Variants in PCNX1 observed in about 807,000 individuals in gnomAD.
PCNX1 encodes pecanex-like protein 1.
PCNX1 carries 78 observed loss-of-function variants against 242.2 expected under a neutral mutation model. That is an observed-to-expected ratio of 0.32 (90% CI 0.27 to 0.39). The LOEUF (loss-of-function observed/expected upper bound fraction) is 0.39. PCNX1 is among the 10% of genes least tolerant of loss of function. The pLI is 1.00. For synonymous variants in PCNX1, 1,024 were observed against 1,032.9 expected, an observed-to-expected ratio of 0.99 and a Z score of 0.17; for missense variants, 2,581 against 2,856.5, an observed-to-expected ratio of 0.90 and a Z score of 2.20.
intron 19 of PCNX1, among the ~76,000 whole-genome samples, chr14:71,037,454 A>T (rs202099256): frequency 1.3e-5 from 2 of 149,894 alleles, no homozygotes; most frequent in Admixed American, 1.3e-4. Flanking sequence ...TTATTTTGAA[A>T]TATGTCCCAT....
chr14:70,932,731 G>A (rs2056850915), intron 1 of PCNX1, among the ~76,000 whole-genome samples: 1 of 152,010 alleles, frequency 6.6e-6, no homozygotes, highest in Non-Finnish European at 1.5e-5. Flanking sequence ...TCCTGCCTCA[G>A]CCTCCCGAGT....
At chr14:70,912,178 T>A (rs2140014162) in intron 1 of PCNX1, among the ~76,000 whole-genome samples, 1 of 150,914 alleles carries the variant, frequency 6.6e-6, no homozygotes, top group East Asian at 1.9e-4. Flanking sequence ...GAGCTTGCAG[T>A]GAGCCAAGAT....
rs1416585805 is a variant in PCNX1, at chr14:71,111,684, A to C, written c.*1749A>C. The C allele has an allele frequency of 6.6e-6, 1 of 152,168 alleles. No homozygotes were observed. The highest frequency in any genetic ancestry group is 2.4e-5 in the African/African-American group (1 of 41,454). 9.4% of individuals were successfully genotyped at this position (152,168 alleles called of 1,614,324 possible). A position where few individuals can be genotyped will look rare whatever the true frequency, so the allele number is the denominator to read the frequency against. On this transcript the variant is annotated 3_prime_UTR_variant, in exon 36 of 36. Coordinates refer to ENST00000304743, the MANE Select transcript of PCNX1 (RefSeq NM_014982.3). ...AGTAAATAGTGAACATACAGAACTTACTGCATTTCCACTTTAAAACCTATT... is the reference window on the plus strand; with the variant it reads ...AGTAAATAGTGAACATACAGAACTTCCTGCATTTCCACTTTAAAACCTATT...
At chr14:70,917,960 T>C (rs1157571621) in intron 1 of PCNX1, among the ~76,000 whole-genome samples, 2 of 152,216 alleles carry the variant, frequency 1.3e-5, no homozygotes, top group African/African-American at 4.8e-5. Context: ...ATGTAAACTT[T>C]TATGTTATGG....
At chr14:71,052,057 C>T (rs1254357756) in intron 24 of PCNX1, 45 bp downstream of exon 24, 1 of 1,396,944 alleles carries the variant, frequency 7.2e-7, no homozygotes. Flanking sequence ...ATCTTTCCTA[C>T]TGGGAAAAAC....
At position 70,977,252 on chromosome 14, in the gene PCNX1, G is replaced by A; in HGVS notation, c.915G>A (p.Gln305=). 6.2e-7 allele frequency: 1 copy of A among 1,614,176 alleles called. No homozygotes were observed. The highest frequency in any genetic ancestry group is 8.5e-7 in the Non-Finnish European group (1 of 1,180,024). The part of the protein sequence containing the change: ...DTSLNDFPLY[Q]QRRGLDPVSE... ...CACTGAATGATTTTCCCCTTTATCA[G>A]CAAAGACGTGGATTAGATCCAGTTA... The change falls in exon 6 of 36, where the codon CAG becomes CAA. Residue 305 remains glutamine (Q), a synonymous_variant. Coordinates refer to ENST00000304743, the MANE Select transcript of PCNX1 (RefSeq NM_014982.3).
intron 8 of PCNX1, among the ~76,000 whole-genome samples, chr14:70,996,814 G>T (rs545637146): frequency 7.9e-5 from 12 of 152,228 alleles, no homozygotes; most frequent in African/African-American, 2.9e-4. Flanking sequence ...GTTTCAACTG[G>T]AAGGATATGA....
intron 5 of PCNX1, among the ~76,000 whole-genome samples, chr14:70,969,679 C>G (rs1439426925): frequency 1.3e-5 from 2 of 152,118 alleles, no homozygotes; most frequent in Non-Finnish European, 2.9e-5. Context: ...ATTCCTAAAA[C>G]TGAAAAGACC....
chr14:70,936,870 C>A (rs182034430), intron 1 of PCNX1, among the ~76,000 whole-genome samples: 3 of 152,350 alleles, frequency 2.0e-5, no homozygotes, highest in African/African-American at 7.2e-5. Context: ...ATTTCCATTT[C>A]TCTGATGGCC....
chr14:70,991,615 A>G (rs547553975), intron 7 of PCNX1, among the ~76,000 whole-genome samples: 2 of 152,316 alleles, frequency 1.3e-5, no homozygotes, highest in African/African-American at 4.8e-5. Flanking sequence ...CAAAGGTTGC[A>G]TATATCTTAA....
intron 7 of PCNX1, among the ~76,000 whole-genome samples, chr14:70,995,026 A>G (rs1368026675): frequency 1.3e-5 from 2 of 152,230 alleles, no homozygotes; most frequent in Non-Finnish European, 2.9e-5. Context: ...GGAAGAAGAA[A>G]TAACAAAATT....
chr14:71,076,162 C>A (rs770274360), intron 27 of PCNX1, 27 bp from the exon 28 acceptor site: 6 of 1,167,526 alleles, frequency 5.1e-6, no homozygotes, highest in South Asian at 1.4e-5. Context: ...AATCTGAATT[C>A]TTTTTTTTTT....
chr14:71,079,014 G>A (rs886895847), intron 28 of PCNX1, among the ~76,000 whole-genome samples: 26 of 151,938 alleles, frequency 1.7e-4, no homozygotes, highest in Non-Finnish European at 5.9e-5. Context: ...CCTACACCCC[G>A]ACAGGCCCCG....
chr14:70,988,615 C>G lies in PCNX1; in HGVS notation c.2360C>G (p.Thr787Arg), dbSNP rs1246855195. ...EAVSFRRERS[T>R]FRRQAVRRRH... ...GTGTCATTTCGCCGTGAACGCAGCA[C>G]ATTTAGGCGCCAGGCAGTACGGCGC... Residue 787 changes from threonine to arginine, a missense_variant, in exon 7 of 36, where the codon ACA (threonine) becomes AGA (arginine). Physicochemically the swap from Thr to Arg is moderately conservative, Grantham distance 71. Coordinates refer to ENST00000304743, the MANE Select transcript of PCNX1 (RefSeq NM_014982.3). 1 of 1,613,994 alleles carries G rather than the reference C, an allele frequency of 6.2e-7. No homozygotes were observed. Among genetic ancestry groups the G allele is most frequent in the Non-Finnish European group, 8.5e-7 (1 of 1,180,006 alleles).
intron 22 of PCNX1, 113 bp downstream of exon 22, chr14:71,048,097 C>CT: frequency 1.6e-6 from 1 of 643,194 alleles, no homozygotes; most frequent in East Asian, 2.7e-5. Flanking sequence ...TAAGTAATAA[C>CT]TCTCTTCAAC....
chr14:71,073,457 A>ATTT, intron 26 of PCNX1, 88 bp from the exon 27 acceptor site: 1 of 1,272,194 alleles, frequency 7.9e-7, no homozygotes, highest in South Asian at 1.5e-5. Flanking sequence ...TAAAATATGT[A>ATTT]TTTTTTTCTA....
intron 8 of PCNX1, among the ~76,000 whole-genome samples, chr14:70,998,750 C>CAAAAAAAAAAAAAAAAA (rs34044438): frequency 1.1e-5 from 1 of 89,090 alleles, no homozygotes; most frequent in Non-Finnish European, 2.3e-5. Flanking sequence ...GACCCTATCT[C>CAAAAAAAAAAAAAAAAA]AAAAAAAAAA....
At chr14:71,011,380 C>A in intron 9 of PCNX1, 112 bp from the exon 10 acceptor site, 1 of 699,146 alleles carries the variant, frequency 1.4e-6, no homozygotes, top group Non-Finnish European at 2.6e-6. Flanking sequence ...TGCTATTTTG[C>A]ATTTTGAAGT....
chr14:71,017,243 T>G (rs562877227), intron 11 of PCNX1, among the ~76,000 whole-genome samples: 1 of 152,202 alleles, frequency 6.6e-6, no homozygotes, highest in African/African-American at 2.4e-5. Flanking sequence ...TTAGAAACTT[T>G]CCCACAAAGA....
Sources: allele counts gnomAD v4.1 joint callset (sites outside exome capture counted in the v4.1 genomes callset), GRCh38; gene constraint gnomAD v4.1.1; transcripts MANE v1.5; gene names NCBI Gene and HGNC (gene_info 2026-07-23, HGNC 2026-07-21).